MCHR2: variants seen among roughly 807,000 people sequenced by gnomAD.
The protein encoded by MCHR2 is melanin concentrating hormone receptor 2, also known as melanin-concentrating hormone receptor 2.
Under a neutral mutation model 24.8 loss-of-function variants are expected in MCHR2, and 15 were observed. The ratio of observed to expected loss-of-function variants is 0.60; its 90% CI spans 0.40 to 0.93. The LOEUF is 0.93. Ranked by LOEUF, MCHR2 falls within the 40% of genes least tolerant of loss-of-function variation. The pLI is 0.00. For missense variants in MCHR2, 386 were observed against 408.7 expected (o/e 0.94, Z 0.48); for synonymous variants, 151 against 147.6 (o/e 1.02, Z -0.17).
intron 5 of MCHR2, among the ~76,000 whole-genome samples, chr6:99,923,788 G>A (rs940657655): frequency 5.3e-5 from 8 of 152,046 alleles, no homozygotes; most frequent in Non-Finnish European, 5.9e-5. Flanking sequence ...CATGATGAAT[G>A]AGATTTCTAA....
At chr6:99,969,142 A>G (rs572693272) in intron 1 of MCHR2, among the ~76,000 whole-genome samples, 54 of 152,242 alleles carry the variant, frequency 3.5e-4, no homozygotes, top group African/African-American at 1.2e-3. Context: ...ATTTAGAATC[A>G]CATCAGATAA....
chr6:99,952,552 C>T (rs1301828236), intron 2 of MCHR2, among the ~76,000 whole-genome samples: 1 of 144,902 alleles, frequency 6.9e-6, no homozygotes, highest in African/African-American at 2.4e-5. Context: ...TTCTCCTTAT[C>T]ATTACTGTAG....
intron 5 of MCHR2, among the ~76,000 whole-genome samples, chr6:99,922,645 T>C (rs1774262736): frequency 6.6e-6 from 1 of 152,206 alleles, no homozygotes; most frequent in East Asian, 1.9e-4. Context: ...TTGAAGAGGC[T>C]GTCTTTTCCC....
At chr6:99,921,341 C>T in intron 5 of MCHR2, 86 bp from the exon 6 acceptor site, 1 of 1,188,032 alleles carries the variant, frequency 8.4e-7, no homozygotes, top group Non-Finnish European at 1.2e-6. Context: ...TTGGACAGTT[C>T]ATAATGGCTT....
intron 1 of MCHR2, among the ~76,000 whole-genome samples, chr6:99,967,222 T>A (rs1003279229): frequency 7.2e-5 from 11 of 151,870 alleles, no homozygotes; most frequent in African/African-American, 2.7e-4. Context: ...ACAGTGTCAG[T>A]TTAATGTATT....
At chr6:99,932,785 A>G (rs1304553763) in intron 5 of MCHR2, among the ~76,000 whole-genome samples, 2 of 152,170 alleles carry the variant, frequency 1.3e-5, no homozygotes, top group African/African-American at 2.4e-5. Flanking sequence ...GGAAGACATG[A>G]TAACTAAATC....
chr6:99,922,874 G>T (rs1355785643), intron 5 of MCHR2, among the ~76,000 whole-genome samples: 2 of 150,452 alleles, frequency 1.3e-5, no homozygotes, highest in East Asian at 4.0e-4. Context: ...GGCTATTCTG[G>T]GTCTGTTGTG....
At chr6:99,990,205 C>T (rs1178841125) in intron 1 of MCHR2, among the ~76,000 whole-genome samples, 1 of 152,192 alleles carries the variant, frequency 6.6e-6, no homozygotes. Context: ...TGCAACCTTA[C>T]ATTAAAATTG....
chr6:99,966,124 G>A (rs1216208003), intron 1 of MCHR2, among the ~76,000 whole-genome samples: 3 of 152,096 alleles, frequency 2.0e-5, no homozygotes, highest in Non-Finnish European at 2.9e-5. Flanking sequence ...CAAGTCCTTT[G>A]AGGAAGATGG....
At position 99,981,927 on chromosome 6, in the gene MCHR2, G is replaced by A. The variant is rs183241054; in HGVS notation, c.-28+12009C>T. On this transcript the variant is annotated intron_variant, in intron 1 of 5. Coordinates refer to ENST00000281806, the MANE Select transcript of MCHR2 (RefSeq NM_001040179.2). Reference sequence around the variant, plus strand: ...CATGCACTTCCCCAAAACTGCTAGCGACTGTAAACATATGGTGTAAGCTCA... The same window carrying A: ...CATGCACTTCCCCAAAACTGCTAGCAACTGTAAACATATGGTGTAAGCTCA... 1.9e-3 allele frequency among the ~76,000 whole-genome samples: 293 copies of A among 152,198 alleles called. 1 individual carries two copies. Among genetic ancestry groups the A allele is most frequent in the African/African-American group, 5.8e-3 (241 of 41,504 alleles).
At chr6:99,975,351 G>C (rs1001655977) in intron 1 of MCHR2, among the ~76,000 whole-genome samples, 2 of 152,162 alleles carry the variant, frequency 1.3e-5, no homozygotes, top group African/African-American at 2.4e-5. Context: ...GCGAGACTCC[G>C]TGGCCGTAGG....
At chr6:99,980,315 T>C (rs1775640719) in intron 1 of MCHR2, among the ~76,000 whole-genome samples, 1 of 152,296 alleles carries the variant, frequency 6.6e-6, no homozygotes, top group East Asian at 1.9e-4. Flanking sequence ...AAGCTCACTT[T>C]AAGGAAAAAT....
chr6:99,992,965 G>C (rs539887419), intron 1 of MCHR2, among the ~76,000 whole-genome samples: 16 of 151,820 alleles, frequency 1.1e-4, no homozygotes, highest in Non-Finnish European at 1.9e-4. Flanking sequence ...TATTATTTAA[G>C]TAGAAAAATG....
intron 5 of MCHR2, among the ~76,000 whole-genome samples, chr6:99,930,683 G>C (rs1216059662): frequency 6.6e-6 from 1 of 152,136 alleles, no homozygotes; most frequent in African/African-American, 2.4e-5. Flanking sequence ...TTGGCTCTCA[G>C]CTCCATCAGC....
intron 5 of MCHR2, among the ~76,000 whole-genome samples, chr6:99,922,345 G>A (rs567749168): frequency 1.4e-4 from 21 of 152,102 alleles, no homozygotes; most frequent in Admixed American, 1.0e-3. Flanking sequence ...CTAACCTCGC[G>A]ATCCGCCCGC....
chr6:99,980,183 T>C (rs1775638122), intron 1 of MCHR2, among the ~76,000 whole-genome samples: 1 of 152,212 alleles, frequency 6.6e-6, no homozygotes, highest in African/African-American at 2.4e-5. Context: ...CCACCTGCTA[T>C]GGGCCCTTGT....
At chr6:99,956,299 C>G (rs1229080730) in intron 1 of MCHR2, 125 bp from the exon 2 acceptor site, 1 of 619,086 alleles carries the variant, frequency 1.6e-6, no homozygotes, top group Non-Finnish European at 2.7e-6. Flanking sequence ...ACACAGGATC[C>G]CAGGGTGAGT....
intron 1 of MCHR2, among the ~76,000 whole-genome samples, chr6:99,993,431 C>T (rs895120609): frequency 1.3e-5 from 2 of 152,120 alleles, no homozygotes; most frequent in Admixed American, 6.5e-5. Flanking sequence ...CGTCCGGAGG[C>T]GCGTACAGGG....
chr6:99,931,848 C>A (rs1774551110), intron 5 of MCHR2, among the ~76,000 whole-genome samples: 1 of 152,194 alleles, frequency 6.6e-6, no homozygotes, highest in East Asian at 1.9e-4. Context: ...CATCCACTGT[C>A]CTGCACCCAC....
Sources: gnomAD v4.1 joint callset for allele counts (sites outside exome capture counted in the v4.1 genomes callset) on GRCh38, gnomAD v4.1.1 for gene constraint, MANE v1.5 for transcripts, NCBI Gene and HGNC (gene_info 2026-07-23, HGNC 2026-07-21) for gene names.